The following PCDHA10 variants were observed in gnomAD, a reference collection of about 807,000 sequenced individuals.
PCDHA10 encodes protocadherin alpha 10, also known as protocadherin alpha-10.
Under a neutral mutation model 61.2 loss-of-function variants are expected in PCDHA10, and 45 were observed. The observed-to-expected ratio is 0.74, with a 90% CI of 0.58 to 0.94. PCDHA10 has a LOEUF of 0.94. Among genes scored for constraint, PCDHA10 ranks in the 40% least tolerant of loss-of-function variants. The probability of loss-of-function intolerance (pLI) is 0.00; values close to 1 mark genes in which losing one functional copy is unlikely to be tolerated. For missense variants in PCDHA10, 1,278 were observed against 1,236.2 expected, an observed-to-expected ratio of 1.03 and a Z score of -0.51; for synonymous variants, 602 against 548.8, an observed-to-expected ratio of 1.10 and a Z score of -1.35.
chr5:140,978,506 C>T (rs914101151), intron 1 of PCDHA10, among the ~76,000 whole-genome samples: 22 of 152,244 alleles, frequency 1.4e-4, no homozygotes, highest in African/African-American at 4.1e-4. Context: ...GATTGCAGTC[C>T]TCTGCAGTCC....
At position 140,883,606 on chromosome 5, in the gene PCDHA10, C is replaced by G; in HGVS notation, c.2388+25170C>G. 3 of 1,613,944 alleles carry G rather than the reference C, an allele frequency of 1.9e-6. No homozygotes were observed. In the African/African-American group the frequency reaches 4.0e-5, roughly 22 times the overall value. On this transcript the variant is annotated intron_variant, in intron 1 of 3. Coordinates refer to ENST00000307360, the MANE Select transcript of PCDHA10 (RefSeq NM_018901.4). ...CGGCCAGCGTGTCGGTGGGGGTGGC[C>G]GACGTGAACGACAACGCGCCGGCGT...
intron 1 of PCDHA10, among the ~76,000 whole-genome samples, chr5:140,964,393 C>T (rs782008532): frequency 6.6e-6 from 1 of 152,098 alleles, no homozygotes; most frequent in Admixed American, 6.5e-5. Context: ...GTTTTTCTCC[C>T]AAGACATGAC....
chr5:140,884,053 C>G (rs782043806), intron 1 of PCDHA10: 1 of 1,613,496 alleles, frequency 6.2e-7, no homozygotes, highest in Admixed American at 1.7e-5. Context: ...CGAAGGTGCG[C>G]GCGGTGGACG....
At chr5:140,888,037 A>T (rs547880007) in intron 1 of PCDHA10, among the ~76,000 whole-genome samples, 8 of 152,186 alleles carry the variant, frequency 5.3e-5, no homozygotes, top group Non-Finnish European at 1.0e-4. Flanking sequence ...ATATTAGTAC[A>T]TGTATAATAG....
intron 1 of PCDHA10, among the ~76,000 whole-genome samples, chr5:140,897,340 C>A (rs1326802877): frequency 8.1e-6 from 1 of 122,842 alleles, no homozygotes; most frequent in African/African-American, 3.1e-5. Context: ...CCCCTCCCCC[C>A]ACCCCACAAC....
At chr5:140,967,424 G>A (rs1554229541) in intron 1 of PCDHA10, 4 of 1,613,184 alleles carry the variant, frequency 2.5e-6, no homozygotes, top group Non-Finnish European at 2.5e-6. Context: ...CCGGGAGCAG[G>A]CAGCCTTGCA....
At chr5:140,956,784 G>T (rs549737881) in intron 1 of PCDHA10, among the ~76,000 whole-genome samples, 373 of 152,090 alleles carry the variant, frequency 2.5e-3, no homozygotes, top group Non-Finnish European at 3.7e-3. Flanking sequence ...CCTGGGCTTT[G>T]TTTGCTTGGT....
chr5:140,972,280 T>C (rs1210047183), intron 1 of PCDHA10, among the ~76,000 whole-genome samples: 1 of 151,092 alleles, frequency 6.6e-6, no homozygotes, highest in South Asian at 2.1e-4. Context: ...GCTTGGACCA[T>C]AGATGTGCGC....
At position 140,857,660 on chromosome 5, in the gene PCDHA10, G is replaced by A. The variant is rs368920437; in HGVS notation, c.1612G>A (p.Asp538Asn). 9 of 1,596,734 alleles carry A rather than the reference G, an allele frequency of 5.6e-6. 1 individual carries two copies. Among genetic ancestry groups the A allele is most frequent in the Non-Finnish European group, 7.7e-6 (9 of 1,167,798 alleles). Residue 538 changes from aspartate to asparagine, a missense_variant, in exon 1 of 4, where the codon GAT (aspartate) becomes AAT (asparagine). Asp to Asn is a conservative substitution (Grantham distance 23). Coordinates refer to ENST00000307360, the MANE Select transcript of PCDHA10 (RefSeq NM_018901.4). ...ELLQFQVSARDGGVPPLGSNL... is the reference protein window; with the variant it reads ...ELLQFQVSARNGGVPPLGSNL... ...GCTACAGTTCCAGGTGAGCGCGCGC[G>A]ATGGGGGCGTGCCGCCTCTGGGCAG...
At chr5:140,897,237 G>C (rs1188679482) in intron 1 of PCDHA10, among the ~76,000 whole-genome samples, 1 of 151,784 alleles carries the variant, frequency 6.6e-6, no homozygotes, top group African/African-American at 2.4e-5. Context: ...CAATGTGCAG[G>C]TTAGTTACAT....
intron 1 of PCDHA10, chr5:140,928,133 T>C (rs1208134482): frequency 1.2e-6 from 2 of 1,614,090 alleles, no homozygotes; most frequent in Non-Finnish European, 1.7e-6. Context: ...TACCAAGTCC[T>C]GATCACGGCC....
chr5:141,006,680 G>A (rs1449792614), intron 3 of PCDHA10, among the ~76,000 whole-genome samples: 5 of 152,036 alleles, frequency 3.3e-5, no homozygotes, highest in African/African-American at 1.2e-4. Flanking sequence ...AGTGAAAATT[G>A]GGAGAAGAGG....
intron 1 of PCDHA10, among the ~76,000 whole-genome samples, chr5:140,894,231 G>A (rs1265861426): frequency 1.3e-5 from 2 of 151,980 alleles, no homozygotes; most frequent in South Asian, 2.1e-4. Flanking sequence ...GATGTTGAAT[G>A]ACAATGTAAT....
chr5:140,929,554 C>G (rs899446101), intron 1 of PCDHA10: 17 of 488,414 alleles, frequency 3.5e-5, no homozygotes, highest in Non-Finnish European at 5.5e-5. Flanking sequence ...AAAATTAAAA[C>G]CTATTTAAGA....
At chr5:140,928,712 G>T in intron 1 of PCDHA10, 2 of 1,614,168 alleles carry the variant, frequency 1.2e-6, no homozygotes, top group Non-Finnish European at 1.7e-6. Flanking sequence ...TCTGACTCTA[G>T]TCTCTTTAGA....
At chr5:140,926,620 C>G in intron 1 of PCDHA10, 1 of 385,534 alleles carries the variant, frequency 2.6e-6, no homozygotes, top group Admixed American at 4.4e-5. Context: ...CACCCCTAGG[C>G]GGCGCTGCGC....
chr5:140,884,734 C>A (rs1198575388), intron 1 of PCDHA10: 5 of 1,445,332 alleles, frequency 3.5e-6, no homozygotes, highest in Non-Finnish European at 4.6e-6. Flanking sequence ...TTTAAGACAT[C>A]TTTCCTGCCA....
chr5:140,863,748 C>G (rs1221413981), intron 1 of PCDHA10: 1 of 241,166 alleles, frequency 4.1e-6, no homozygotes, highest in Non-Finnish European at 8.2e-6. Flanking sequence ...TTTGTAATCC[C>G]GGCACTTTGG....
chr5:140,921,283 C>T (rs1484079224), intron 1 of PCDHA10, among the ~76,000 whole-genome samples: 2 of 151,974 alleles, frequency 1.3e-5, no homozygotes, highest in Non-Finnish European at 2.9e-5. Flanking sequence ...TTGAAAAAAA[C>T]CTCAAATTTG....
Sources: gnomAD v4.1 joint callset for allele counts (sites outside exome capture counted in the v4.1 genomes callset) on GRCh38, gnomAD v4.1.1 for gene constraint, MANE v1.5 for transcripts, NCBI Gene and HGNC (gene_info 2026-07-23, HGNC 2026-07-21) for gene names.